ZSWIM6: variants seen among roughly 807,000 people sequenced by gnomAD.
ZSWIM6 encodes zinc finger SWIM domain-containing protein 6.
In ZSWIM6, 9 loss-of-function variants were observed where a neutral mutation model predicts 113.2. That is an observed-to-expected ratio of 0.08 (90% confidence interval 0.05 to 0.14). The LOEUF is 0.14. ZSWIM6 is among the 10% of genes least tolerant of loss of function. The probability of loss-of-function intolerance (pLI) is 1.00; values close to 1 mark genes in which losing one functional copy is unlikely to be tolerated. For synonymous variants in ZSWIM6, 611 were observed against 606.5 expected, an observed-to-expected ratio of 1.01 and a Z score of -0.11; for missense variants, 1,162 against 1,552.2, an observed-to-expected ratio of 0.75 and a Z score of 4.22.
At chr5:61,526,593 T>A (rs1044305414) in intron 7 of ZSWIM6, among the ~76,000 whole-genome samples, 197 bp downstream of exon 7, 27 of 151,918 alleles carry the variant, frequency 1.8e-4, no homozygotes, top group African/African-American at 6.3e-4. Context: ...AGCAAAGATT[T>A]TTTTTTTTAA....
chr5:61,499,211 T>C lies in ZSWIM6; in HGVS notation c.1333+4801T>C, dbSNP rs551807588. ...TTGGTAACTTCCAAATAGCTGGAAGTATAGAGCGTAATTCTAATGAACCAC... is the reference window on the plus strand; with the variant it reads ...TTGGTAACTTCCAAATAGCTGGAAGCATAGAGCGTAATTCTAATGAACCAC... On this transcript the variant is annotated intron_variant, in intron 4 of 13. Transcript: ENST00000252744. 3.9e-5 allele frequency among the ~76,000 whole-genome samples: 6 copies of C among 152,282 alleles called. 1 individual carries two copies. In the South Asian group the frequency reaches 1.2e-3, roughly 32 times the overall value.
chr5:61,406,749 G>A (rs972334575), intron 1 of ZSWIM6, among the ~76,000 whole-genome samples: 2 of 151,454 alleles, frequency 1.3e-5, no homozygotes, highest in Non-Finnish European at 2.9e-5. Context: ...GTCTTGCTCT[G>A]TCACCCAGGC....
intron 1 of ZSWIM6, among the ~76,000 whole-genome samples, chr5:61,411,985 G>A (rs904794221): frequency 1.3e-5 from 2 of 152,172 alleles, no homozygotes; most frequent in Non-Finnish European, 1.5e-5. Context: ...TGCTAATACC[G>A]ATCAAATAAC....
intron 1 of ZSWIM6, among the ~76,000 whole-genome samples, chr5:61,425,792 G>A (rs1027662731): frequency 7.2e-5 from 11 of 152,186 alleles, no homozygotes; most frequent in Admixed American, 4.6e-4. Flanking sequence ...CTTATAAAAG[G>A]GATCAGAATG....
chr5:61,530,640 TA>T (rs1749405996), intron 8 of ZSWIM6, among the ~76,000 whole-genome samples: 1 of 152,234 alleles, frequency 6.6e-6, no homozygotes, highest in Non-Finnish European at 1.5e-5. Flanking sequence ...AAATGTCATT[TA>T]AAACTGTTTT....
Position 61,543,171 on chromosome 5 carries a change from A to G in ZSWIM6, c.2786-284A>G, listed in dbSNP as rs1264081437. Among the ~76,000 whole-genome samples the G allele has an allele frequency of 6.6e-6, 1 of 152,178 alleles. No individual in the cohort carries two copies. The highest frequency in any genetic ancestry group is 1.9e-4 in the East Asian group (1 of 5,196). ...AAGTAGAACTCATTAGCAAAAAGCC[A>G]TTGTCTGAAATGGCAAGCAGCACAG... is the stretch of plus-strand genomic sequence containing the variant. On this transcript the variant is annotated intron_variant, in intron 13 of 13. Coordinates refer to ENST00000252744, the MANE Select transcript of ZSWIM6 (RefSeq NM_020928.2). This position sits in a 1 kb window ranked among gnomAD's most constrained non-coding sequence, Gnocchi z 4.3.
intron 1 of ZSWIM6, among the ~76,000 whole-genome samples, chr5:61,352,805 G>T: frequency 6.6e-6 from 1 of 152,216 alleles, no homozygotes; most frequent in Non-Finnish European, 1.5e-5. Context: ...AAACCAAACA[G>T]TCCTGTTTGC....
chr5:61,351,098 T>C (rs1488840912), intron 1 of ZSWIM6, among the ~76,000 whole-genome samples: 3 of 152,252 alleles, frequency 2.0e-5, no homozygotes, highest in Admixed American at 2.0e-4. Flanking sequence ...TATATTTTTG[T>C]TAATAGTTTA....
At chr5:61,514,272 GTT>G (rs750754590) in intron 4 of ZSWIM6, among the ~76,000 whole-genome samples, 3 of 136,694 alleles carry the variant, frequency 2.2e-5, no homozygotes, top group African/African-American at 5.3e-5. Flanking sequence ...TGATTTAAGT[GTT>G]TTTTTTTTTT....
At chr5:61,421,740 C>T (rs1157515895) in intron 1 of ZSWIM6, among the ~76,000 whole-genome samples, 1 of 152,160 alleles carries the variant, frequency 6.6e-6, no homozygotes, top group Non-Finnish European at 1.5e-5. Context: ...ATTTGGTTTT[C>T]TGTTACTGCA....
rs1749844300 is a variant in ZSWIM6 at position 61,544,812 on chromosome 5, A to G, written c.*495A>G. On this transcript the variant is annotated 3_prime_UTR_variant, in exon 14 of 14. Transcript: ENST00000252744. ...ACCAACAAAATGAAATACTAATAGTAAAAAGGCTGACCCATGTGGCTTTGC... is the reference window on the plus strand; with the variant it reads ...ACCAACAAAATGAAATACTAATAGTGAAAAGGCTGACCCATGTGGCTTTGC... 6.6e-6 allele frequency: 1 copy of G among 152,360 alleles called. No individual in the cohort carries two copies. The highest frequency in any genetic ancestry group is 1.5e-5 in the Non-Finnish European group (1 of 68,154). The allele number at this position is 152,360 out of a possible 1,614,324, so 9.4% of individuals were successfully genotyped here.
At chr5:61,480,228 A>G (rs997950147) in intron 2 of ZSWIM6, among the ~76,000 whole-genome samples, 1 of 152,212 alleles carries the variant, frequency 6.6e-6, no homozygotes, top group African/African-American at 2.4e-5. Flanking sequence ...GTACATGAAT[A>G]CGTATACTAT....
At chr5:61,333,009 G>GGGC in intron 1 of ZSWIM6, 61 bp downstream of exon 1, 6 of 439,860 alleles carry the variant, frequency 1.4e-5, no homozygotes, top group Non-Finnish European at 1.9e-5. Flanking sequence ...TGGGGGGGGG[G>GGGC]TGCCCGCCTT....
intron 1 of ZSWIM6, among the ~76,000 whole-genome samples, chr5:61,395,609 A>T (rs1040193790): frequency 6.6e-6 from 1 of 152,242 alleles, no homozygotes; most frequent in Non-Finnish European, 1.5e-5. Flanking sequence ...CAAAATGGAT[A>T]TCAAAAATTA....
At chr5:61,540,777 A>G (rs975784327) in intron 12 of ZSWIM6, among the ~76,000 whole-genome samples, 43 of 152,156 alleles carry the variant, frequency 2.8e-4, no homozygotes, top group Non-Finnish European at 2.9e-5. Flanking sequence ...TAAATAGGAT[A>G]TGCACGAGAG....
intron 1 of ZSWIM6, among the ~76,000 whole-genome samples, chr5:61,374,287 C>T (rs1220943111): frequency 2.6e-5 from 4 of 152,056 alleles, no homozygotes; most frequent in South Asian, 2.1e-4. Flanking sequence ...AACATATGGC[C>T]GCCATAGAAT....
chr5:61,356,570 GGACTT>G (rs1156559469), intron 1 of ZSWIM6, among the ~76,000 whole-genome samples: 1 of 149,486 alleles, frequency 6.7e-6, no homozygotes, highest in Non-Finnish European at 1.5e-5. Context: ...TCATTCCTTT[GGACTT>G]GGCTGTGAAA....
At chr5:61,372,955 A>G (rs1285484511) in intron 1 of ZSWIM6, among the ~76,000 whole-genome samples, 1 of 152,182 alleles carries the variant, frequency 6.6e-6, no homozygotes, top group African/African-American at 2.4e-5. Flanking sequence ...TTAAAAAATT[A>G]TAAATTATAC....
intron 1 of ZSWIM6, chr5:61,347,306 C>A: frequency 5.7e-6 from 1 of 176,596 alleles, no homozygotes; most frequent in South Asian, 1.6e-4. Context: ...CCATCATCTT[C>A]TGTCAGACTC....
Sources: allele counts gnomAD v4.1 joint callset (sites outside exome capture counted in the v4.1 genomes callset), GRCh38; gene constraint gnomAD v4.1.1; non-coding constraint Gnocchi (gnomAD v3.1); transcripts MANE v1.5; gene names NCBI Gene and HGNC (gene_info 2026-07-23, HGNC 2026-07-21).